The following CRYBG1 variants were observed in gnomAD, a reference collection of about 807,000 sequenced individuals.
CRYBG1 encodes the protein crystallin beta-gamma domain containing 1, also known as beta/gamma crystallin domain-containing protein 1.
Under a neutral mutation model 189.2 loss-of-function variants are expected in CRYBG1, and 139 were observed. The observed-to-expected ratio is 0.73, with a 90% CI of 0.64 to 0.85. The LOEUF (loss-of-function observed/expected upper bound fraction) is 0.85, where lower values mean the gene tolerates loss of function less well. Ranked by LOEUF, CRYBG1 falls within the 40% of genes least tolerant of loss-of-function variation. The pLI is 0.00. For missense variants in CRYBG1, 2,611 were observed against 2,675.8 expected, an observed-to-expected ratio of 0.98 and a Z score of 0.53; for synonymous variants, 1,023 against 1,017.1, an observed-to-expected ratio of 1.01 and a Z score of -0.11.
At position 106,543,550 on chromosome 6, in the gene CRYBG1, T is replaced by C; in HGVS notation, c.4992T>C (p.Asp1664=). 5 of 1,614,108 alleles carry C rather than the reference T, an allele frequency of 3.1e-6. No individual in the cohort carries two copies. Among genetic ancestry groups the C allele is most frequent in the Non-Finnish European group, 3.4e-6 (4 of 1,179,980 alleles). The change falls in exon 11 of 22, where the codon GAT becomes GAC. Residue 1664 remains aspartate (D), a synonymous_variant. Transcript: ENST00000633556. The part of the protein sequence containing the change: ...GGETEEATGD[D]HLPFTSVGSM... Reference sequence around the variant, plus strand: ...AAACAGAAGAGGCGACTGGAGACGATCATTTGCCGTTTACGTCAGTGGGGT... The same window carrying C: ...AAACAGAAGAGGCGACTGGAGACGACCATTTGCCGTTTACGTCAGTGGGGT...
At chr6:106,552,582 CAAAAAAAAAAAA>C (rs58470981) in intron 15 of CRYBG1, among the ~76,000 whole-genome samples, 3 of 67,642 alleles carry the variant, frequency 4.4e-5, no homozygotes, top group Admixed American at 2.1e-4. Context: ...GACTCTGTCT[CAAAAAAAAAAAA>C]AAAAAAAAAA....
intron 18 of CRYBG1, among the ~76,000 whole-genome samples, chr6:106,559,879 G>A (rs1774659428): frequency 6.6e-6 from 1 of 152,094 alleles, no homozygotes; most frequent in Non-Finnish European, 1.5e-5. Context: ...CAGATCACTG[G>A]AACCCAGCAG....
At chr6:106,415,492 A>G (rs1005466365) in intron 1 of CRYBG1, among the ~76,000 whole-genome samples, 3 of 151,948 alleles carry the variant, frequency 2.0e-5, no homozygotes, top group Non-Finnish European at 4.4e-5. Flanking sequence ...TGAGAGGCCG[A>G]GGCAGGCAGA....
In CRYBG1 at chr6:106,571,665, T is replaced by G. The variant is rs1775062997; in HGVS notation, c.*3099T>G. Reference sequence around the variant, plus strand: ...GTGATTGTGCCACTGCACTCCAGCCTGGGTGACACAGCGAGACCCTGTCTC... The same window carrying G: ...GTGATTGTGCCACTGCACTCCAGCCGGGGTGACACAGCGAGACCCTGTCTC... On this transcript the variant is annotated 3_prime_UTR_variant, in exon 22 of 22. Transcript: ENST00000633556. The G allele has an allele frequency of 8.1e-6, 2 of 246,516 alleles. No homozygotes were observed. The highest frequency in any genetic ancestry group is 1.6e-5 in the Non-Finnish European group (2 of 124,770). The allele number at this position is 246,516 out of a possible 1,614,324, so 15.3% of individuals were successfully genotyped here. A position where few individuals can be genotyped will look rare whatever the true frequency, so the allele number is the denominator to read the frequency against.
intron 1 of CRYBG1, among the ~76,000 whole-genome samples, chr6:106,421,956 A>C (rs1046421204): frequency 7.8e-6 from 1 of 127,738 alleles, no homozygotes; most frequent in South Asian, 3.5e-4. Flanking sequence ...CCCATTCACT[A>C]TCATGAGAAC....
chr6:106,406,049 G>A (rs1034246063), intron 1 of CRYBG1, among the ~76,000 whole-genome samples: 1 of 152,134 alleles, frequency 6.6e-6, no homozygotes, highest in Admixed American at 6.5e-5. Context: ...ACAGAAGTAG[G>A]CTTCAGAAGG....
At chr6:106,364,334 TAA>T (rs66717990) in intron 1 of CRYBG1, among the ~76,000 whole-genome samples, 15 of 149,022 alleles carry the variant, frequency 1.0e-4, no homozygotes, top group East Asian at 3.9e-4. Flanking sequence ...TCTCAAAAAA[TAA>T]AAAAAAAAAG....
At chr6:106,482,545 G>A (rs578139304) in intron 2 of CRYBG1, among the ~76,000 whole-genome samples, 1 of 152,214 alleles carries the variant, frequency 6.6e-6, no homozygotes, top group African/African-American at 2.4e-5. Flanking sequence ...GGAGGCCGAG[G>A]GGGGTGAATC....
chr6:106,406,263 G>A (rs1393717367), intron 1 of CRYBG1, among the ~76,000 whole-genome samples: 2 of 152,036 alleles, frequency 1.3e-5, no homozygotes, highest in Non-Finnish European at 2.9e-5. Context: ...CGATCAAGTG[G>A]AAGAAAGGAT....
intron 21 of CRYBG1, among the ~76,000 whole-genome samples, chr6:106,564,963 C>G (rs1480207932): frequency 6.6e-6 from 1 of 152,054 alleles, no homozygotes; most frequent in Non-Finnish European, 1.5e-5. Context: ...ATCATCACTA[C>G]AAAATGACTC....
chr6:106,440,091 G>A lies in CRYBG1; in HGVS notation c.174-11603G>A, dbSNP rs536652399. On this transcript the variant is annotated intron_variant, in intron 1 of 21. Transcript: ENST00000633556. ...AGCACCCAGCCCAGGGAAGACGTGG[G>A]GCTGGTGGCTTTCCCCTTCCAGGGC... 8.5e-5 allele frequency among the ~76,000 whole-genome samples: 13 copies of A among 152,248 alleles called. 1 individual carries two copies. In the South Asian group the frequency reaches 2.7e-3, roughly 32 times the overall value.
chr6:106,429,538 TA>T (rs1372359890), intron 1 of CRYBG1, among the ~76,000 whole-genome samples: 1 of 152,256 alleles, frequency 6.6e-6, no homozygotes, highest in Non-Finnish European at 1.5e-5. Flanking sequence ...CTTTTATTTT[TA>T]GCTATTGCTG....
intron 1 of CRYBG1, among the ~76,000 whole-genome samples, chr6:106,385,687 C>T (rs117806913): frequency 1.5e-4 from 23 of 152,300 alleles, no homozygotes; most frequent in Non-Finnish European, 2.4e-4. Flanking sequence ...TTGCATACCA[C>T]GGTGACTCAT....
intron 2 of CRYBG1, among the ~76,000 whole-genome samples, chr6:106,504,869 C>A (rs752301067): frequency 4.0e-5 from 6 of 151,886 alleles, no homozygotes; most frequent in Non-Finnish European, 7.4e-5. Flanking sequence ...AGATGATATT[C>A]TGCCATACAC....
At chr6:106,514,557 G>A (rs1472785503) in intron 3 of CRYBG1, among the ~76,000 whole-genome samples, 1 of 152,068 alleles carries the variant, frequency 6.6e-6, no homozygotes, top group Non-Finnish European at 1.5e-5. Context: ...AAATGAGCTG[G>A]GTGAATGATG....
chr6:106,373,233 C>T (rs1195791245), intron 1 of CRYBG1, among the ~76,000 whole-genome samples: 1 of 152,174 alleles, frequency 6.6e-6, no homozygotes, highest in African/African-American at 2.4e-5. Context: ...CTGGGAACCC[C>T]TGACTTGAAA....
At position 106,530,289 on chromosome 6, in the gene CRYBG1, T is replaced by C. The variant is rs759267936; in HGVS notation, c.4692T>C (p.Thr1564=). 1.2e-6 allele frequency: 2 copies of C among 1,609,420 alleles called. No individual in the cohort carries two copies. The highest frequency in any genetic ancestry group is 3.4e-5 in the Admixed American group (2 of 58,574). The change falls in exon 8 of 22, where the codon ACT becomes ACC. Residue 1564 remains threonine, a synonymous_variant. Transcript: ENST00000633556. ...EMQGFGVMQK[T]CSMKVHWGTW... is the part of the protein sequence containing the mutation. ...AGGGATTTGGTGTAATGCAGAAGAC[T>C]TGTTCCATGAAAGTACATTGGGGCA...
At chr6:106,381,583 G>A (rs1582731762) in intron 1 of CRYBG1, among the ~76,000 whole-genome samples, 1 of 152,236 alleles carries the variant, frequency 6.6e-6, no homozygotes, top group African/African-American at 2.4e-5. Flanking sequence ...TGAGTAAGAA[G>A]CCAGCCAGTA....
chr6:106,502,074 T>C lies in CRYBG1; in HGVS notation c.313-9356T>C, dbSNP rs940355705. ...CCTCTGACTTGGCTGTAGCTGTGCC[T>C]GGTCGGGGCAGGCAGGCTGTGTTAG... On this transcript the variant is annotated intron_variant, in intron 2 of 21. Transcript: ENST00000633556. Among the ~76,000 whole-genome samples the C allele has an allele frequency of 4.6e-5, 7 of 152,172 alleles. No homozygotes were observed. The East Asian group carries it at 1.2e-3, about 25-fold the overall frequency.
Sources: gnomAD v4.1 joint callset for allele counts (sites outside exome capture counted in the v4.1 genomes callset) on GRCh38, gnomAD v4.1.1 for gene constraint, MANE v1.5 for transcripts, NCBI Gene and HGNC (gene_info 2026-07-23, HGNC 2026-07-21) for gene names.